The following RCL1 variants were observed in gnomAD, a reference collection of about 807,000 sequenced individuals.
RCL1 encodes the protein RNA terminal phosphate cyclase like 1.
A neutral mutation model predicts 42.4 loss-of-function variants in RCL1; 24 were observed. The observed-to-expected ratio is 0.57, with a 90% CI of 0.41 to 0.80. The LOEUF is 0.80. RCL1 is among the 30% of genes least tolerant of loss of function. The pLI is 0.00. For synonymous variants in RCL1, 228 were observed against 177.3 expected, an observed-to-expected ratio of 1.29 and a Z score of -2.27; for missense variants, 578 against 467.9, an observed-to-expected ratio of 1.24 and a Z score of -2.17.
chr9:4,852,176 C>T (rs930644801), intron 8 of RCL1, among the ~76,000 whole-genome samples: 4 of 152,110 alleles, frequency 2.6e-5, no homozygotes, highest in East Asian at 1.9e-4. Context: ...CCACCAAGTC[C>T]GGCCAATGTG....
chr9:4,817,286 C>G (rs946513045), intron 1 of RCL1, among the ~76,000 whole-genome samples: 1 of 151,990 alleles, frequency 6.6e-6, no homozygotes, highest in African/African-American at 2.4e-5. Context: ...AGCTTTCTAT[C>G]TTAATTCCAA....
chr9:4,804,776 C>G (rs1185328039), intron 1 of RCL1: 2 of 181,152 alleles, frequency 1.1e-5, no homozygotes, highest in African/African-American at 4.8e-5. Context: ...CCTGCCGGAG[C>G]AGCGAATTGG....
At chr9:4,805,398 G>GAA (rs1289143845) in intron 1 of RCL1, among the ~76,000 whole-genome samples, 27 of 130,052 alleles carry the variant, frequency 2.1e-4, no homozygotes, top group Non-Finnish European at 4.4e-4. Flanking sequence ...AGAAGAAGAA[G>GAA]GAGAAGGGGA....
chr9:4,843,164 T>G (rs935294345), intron 6 of RCL1, among the ~76,000 whole-genome samples: 3 of 152,256 alleles, frequency 2.0e-5, no homozygotes, highest in African/African-American at 7.2e-5. Context: ...GTGCTCTTCC[T>G]TCTCTGTTAT....
chr9:4,819,203 T>G (rs1398374786), intron 1 of RCL1, among the ~76,000 whole-genome samples: 1 of 152,162 alleles, frequency 6.6e-6, no homozygotes, highest in Non-Finnish European at 1.5e-5. Flanking sequence ...ATGAAACTGT[T>G]CCACCTCAGA....
rs1214069140 is a variant in RCL1, at chr9:4,844,649, T to C, written c.835T>C (p.Cys279Arg). 1 of 1,613,662 alleles carries C rather than the reference T, an allele frequency of 6.2e-7. No individual in the cohort carries two copies. The highest frequency in any genetic ancestry group is 2.2e-5 in the East Asian group (1 of 44,866). Residue 279 changes from cysteine (C) to arginine (R), a missense_variant, in exon 7 of 9, where the codon TGT becomes CGT. Coordinates refer to ENST00000381750, the MANE Select transcript of RCL1 (RefSeq NM_005772.5). Reference sequence around the variant, plus strand: ...ACTTCCAGAGGACCTTGGCAGGAACTGTGCCCGGCTGCTGCTGGAGGAAAT... The same window carrying C: ...ACTTCCAGAGGACCTTGGCAGGAACCGTGCCCGGCTGCTGCTGGAGGAAAT... ...AVLPEDLGRN[C>R]ARLLLEEIYR...
intron 8 of RCL1, among the ~76,000 whole-genome samples, chr9:4,854,424 T>A (rs1817862871): frequency 6.6e-6 from 1 of 152,162 alleles, no homozygotes; most frequent in South Asian, 2.1e-4. Flanking sequence ...TCCCTCAACT[T>A]CCAGAGCATG....
At chr9:4,818,040 C>A (rs960240198) in intron 1 of RCL1, among the ~76,000 whole-genome samples, 1 of 150,222 alleles carries the variant, frequency 6.7e-6, no homozygotes, top group African/African-American at 2.4e-5. Context: ...CCTGACTCAG[C>A]CTCCCAAGTA....
intron 5 of RCL1, among the ~76,000 whole-genome samples, chr9:4,840,408 T>A (rs971457111): frequency 1.3e-5 from 2 of 152,216 alleles, no homozygotes; most frequent in Non-Finnish European, 2.9e-5. Flanking sequence ...CAATACATAC[T>A]TACTTTTTCT....
At chr9:4,834,029 G>T in intron 4 of RCL1, 112 bp from the exon 5 acceptor site, 1 of 1,181,400 alleles carries the variant, frequency 8.5e-7, no homozygotes, top group Non-Finnish European at 1.2e-6. Flanking sequence ...GAATATGGAA[G>T]AGCTATGCCT....
intron 8 of RCL1, among the ~76,000 whole-genome samples, chr9:4,851,974 G>A (rs955941646): frequency 5.7e-4 from 84 of 148,394 alleles, no homozygotes; most frequent in Admixed American, 1.0e-3. Flanking sequence ...TCCGCCTCCC[G>A]GGTTCAACGC....
rs370807429 is a variant in RCL1, at chr9:4,807,366, T to C, written c.136+14139T>C. On this transcript the variant is annotated intron_variant, in intron 1 of 8. Transcript: ENST00000381750. Reference sequence around the variant, plus strand: ...CATAGATTATTGGGAACTTTTTCTGTTTCCTAGTGTATGTATTTAAAGCAA... The same window carrying C: ...CATAGATTATTGGGAACTTTTTCTGCTTCCTAGTGTATGTATTTAAAGCAA... Among the ~76,000 whole-genome samples, 49 of 152,354 alleles carry C rather than the reference T, an allele frequency of 3.2e-4. 1 individual carries two copies. Among genetic ancestry groups the C allele is most frequent in the African/African-American group, 1.2e-3 (48 of 41,590 alleles).
chr9:4,834,128 A>T lies in RCL1; in HGVS notation c.460-13A>T, dbSNP rs1563846765. 6.2e-7 allele frequency: 1 copy of T among 1,609,708 alleles called. No homozygotes were observed. Among genetic ancestry groups the T allele is most frequent in the Non-Finnish European group, 8.5e-7 (1 of 1,177,922 alleles). ...GCTGCATCCTCGCCTCATCTTTCTC[A>T]CTCTCTGTGTAGATTGTGCGACGGG... On this transcript the variant is annotated splice_polypyrimidine_tract_variant and intron_variant, in intron 4 of 8. Coordinates refer to ENST00000381750, the MANE Select transcript of RCL1 (RefSeq NM_005772.5).
chr9:4,821,997 A>G (rs1816611366), intron 1 of RCL1, among the ~76,000 whole-genome samples: 1 of 152,248 alleles, frequency 6.6e-6, no homozygotes, highest in Admixed American at 6.5e-5. Context: ...TCTGTGCCTC[A>G]GGGATATGAG....
chr9:4,846,476 A>C (rs1817516564), intron 7 of RCL1, among the ~76,000 whole-genome samples: 1 of 152,244 alleles, frequency 6.6e-6, no homozygotes, highest in Non-Finnish European at 1.5e-5. Context: ...AATTTTGTGA[A>C]AAATGGGTAG....
At chr9:4,842,063 C>A (rs1040531626) in intron 6 of RCL1, among the ~76,000 whole-genome samples, 2 of 152,192 alleles carry the variant, frequency 1.3e-5, no homozygotes, top group South Asian at 4.1e-4. Flanking sequence ...TATACTCCTG[C>A]TGCCTATAGT....
intron 3 of RCL1, 152 bp from the exon 4 acceptor site, chr9:4,833,002 G>T (rs929134721): frequency 8.4e-6 from 5 of 596,242 alleles, no homozygotes; most frequent in South Asian, 5.6e-5. Context: ...TCCTCAGGCA[G>T]AGCCAGCCCA....
At chr9:4,857,453 T>C (rs554787914) in intron 8 of RCL1, among the ~76,000 whole-genome samples, 1 of 114,954 alleles carries the variant, frequency 8.7e-6, no homozygotes, top group South Asian at 2.7e-4. Flanking sequence ...TCCTTTTTTA[T>C]GGCAGAAAAA....
chr9:4,816,780 T>A (rs1816393545), intron 1 of RCL1, among the ~76,000 whole-genome samples: 1 of 152,208 alleles, frequency 6.6e-6, no homozygotes, highest in Non-Finnish European at 1.5e-5. Context: ...AATAGCCATC[T>A]TTACACATTC....
Sources: gnomAD v4.1 joint callset for allele counts (sites outside exome capture counted in the v4.1 genomes callset) on GRCh38, gnomAD v4.1.1 for gene constraint, MANE v1.5 for transcripts, NCBI Gene and HGNC (gene_info 2026-07-23, HGNC 2026-07-21) for gene names.